RXRG: variants seen among roughly 807,000 people sequenced by gnomAD.
RXRG encodes the protein retinoid X receptor gamma.
RXRG carries 19 observed loss-of-function variants against 49.2 expected under a neutral mutation model. That is an observed-to-expected ratio of 0.39 (90% CI 0.27 to 0.57). RXRG has a LOEUF of 0.57. RXRG is among the 20% of genes least tolerant of loss of function. The pLI is 0.64. For missense variants in RXRG, 452 were observed against 592.5 expected, an observed-to-expected ratio of 0.76 and a Z score of 2.46; for synonymous variants, 224 against 216.6, an observed-to-expected ratio of 1.03 and a Z score of -0.30.
chr1:165,420,417 A>C (rs1376169058), intron 2 of RXRG, among the ~76,000 whole-genome samples: 3 of 152,214 alleles, frequency 2.0e-5, no homozygotes, highest in African/African-American at 7.2e-5. Context: ...TACGACCCTC[A>C]GGCTAAAGAC....
chr1:165,434,120 A>G (rs780372210), intron 1 of RXRG, among the ~76,000 whole-genome samples: 3 of 152,194 alleles, frequency 2.0e-5, no homozygotes, highest in Non-Finnish European at 2.9e-5. Flanking sequence ...AACTCAGAGG[A>G]CTGCTGAGAG....
chr1:165,430,981 T>C (rs1658655398), intron 1 of RXRG, among the ~76,000 whole-genome samples: 1 of 152,236 alleles, frequency 6.6e-6, no homozygotes, highest in South Asian at 2.1e-4. Context: ...CCTTTTTTTA[T>C]TTCCTAAAAC....
At chr1:165,444,003 G>A (rs959970809) in intron 1 of RXRG, among the ~76,000 whole-genome samples, 5 of 152,300 alleles carry the variant, frequency 3.3e-5, no homozygotes, top group Non-Finnish European at 5.9e-5. Context: ...AGAGCTGGGC[G>A]GCTGTACTGT....
chr1:165,402,446 G>GAGTT (rs3045153), intron 9 of RXRG, among the ~76,000 whole-genome samples: 85,758 of 151,746 alleles, frequency 0.57, 25,861 homozygotes, highest in African/African-American at 0.8. Flanking sequence ...ATTAGGAAAA[G>GAGTT]AGAAAATCAT....
intron 8 of RXRG, among the ~76,000 whole-genome samples, chr1:165,407,706 G>C (rs1035346020): frequency 6.6e-6 from 1 of 152,080 alleles, no homozygotes. Flanking sequence ...GCCACTCTTG[G>C]ATATCTACTA....
chr1:165,417,914 G>A (rs1242570472), intron 3 of RXRG, among the ~76,000 whole-genome samples: 1 of 151,938 alleles, frequency 6.6e-6, no homozygotes, highest in Non-Finnish European at 1.5e-5. Context: ...GACCAGCCTG[G>A]CCAACATGGT....
At chr1:165,439,425 G>C (rs1387341135) in intron 1 of RXRG, among the ~76,000 whole-genome samples, 1 of 152,198 alleles carries the variant, frequency 6.6e-6, no homozygotes, top group Non-Finnish European at 1.5e-5. Context: ...TTCTCTGGGG[G>C]CTACATGAAT....
In RXRG at chr1:165,408,268, G is replaced by A. The variant is rs749899559; in HGVS notation, c.1097C>T (p.Ser366Leu). 5.5e-5 allele frequency: 89 copies of A among 1,613,870 alleles called. No individual in the cohort carries two copies. The highest frequency in any genetic ancestry group is 1.6e-4 in the Middle Eastern group (1 of 6,084). Residue 366 changes from serine to leucine, a missense_variant, in exon 8 of 10, where the codon TCG (serine) becomes TTG (leucine). Physicochemically the swap from Ser to Leu is moderately radical, Grantham distance 145. Transcript: ENST00000359842. The stretch of plus-strand genomic sequence containing the variant: ...AATGGCTCGCAGGCATCCCAGTTCC[G>A]ACTTGTCCATCTGCATGTCTTTCAT... ...SKMKDMQMDK[S>L]ELGCLRAIVL...
intron 9 of RXRG, among the ~76,000 whole-genome samples, chr1:165,404,505 A>T (rs1196746759): frequency 6.6e-6 from 1 of 152,256 alleles, no homozygotes; most frequent in Non-Finnish European, 1.5e-5. Context: ...ATATGTTCAC[A>T]CTGCAAAATA....
intron 1 of RXRG, among the ~76,000 whole-genome samples, chr1:165,429,960 G>A (rs1367854362): frequency 6.6e-6 from 1 of 152,140 alleles, no homozygotes; most frequent in Non-Finnish European, 1.5e-5. Flanking sequence ...TTTAGGATCT[G>A]TAGCAGCAAA....
At chr1:165,425,986 G>T (rs564490432) in intron 2 of RXRG, among the ~76,000 whole-genome samples, 1 of 152,388 alleles carries the variant, frequency 6.6e-6, no homozygotes, top group South Asian at 2.1e-4. Flanking sequence ...ACACAGGGCT[G>T]CAAGCCAGGG....
chr1:165,429,990 A>G (rs1658620406), intron 1 of RXRG, among the ~76,000 whole-genome samples: 1 of 152,044 alleles, frequency 6.6e-6, no homozygotes, highest in Admixed American at 6.5e-5. Context: ...AGAAAACACC[A>G]CAGGGCACCC....
At chr1:165,402,799 A>T (rs1460973067) in intron 9 of RXRG, among the ~76,000 whole-genome samples, 4 of 151,924 alleles carry the variant, frequency 2.6e-5, no homozygotes, top group Non-Finnish European at 5.9e-5. Flanking sequence ...CATACTTCAC[A>T]TGTTTGCACA....
chr1:165,422,254 T>G (rs1181820114), intron 2 of RXRG, among the ~76,000 whole-genome samples: 1 of 152,224 alleles, frequency 6.6e-6, no homozygotes, highest in Non-Finnish European at 1.5e-5. Context: ...ATGTTAATCC[T>G]CTCAACAACC....
Position 165,444,807 on chromosome 1 carries a change from T to C in RXRG, c.49+38A>G, listed in dbSNP as rs749868517. 14 of 1,584,744 alleles carry C rather than the reference T, an allele frequency of 8.8e-6. No homozygotes were observed. The South Asian group carries it at 1.1e-4, about 13-fold the overall frequency. Reference sequence around the variant, plus strand: ...TTCCCAATTTCTTCTCAGTCTCTCATACAGGTCCACGCAGTGAAGCCCAAG... The same window carrying C: ...TTCCCAATTTCTTCTCAGTCTCTCACACAGGTCCACGCAGTGAAGCCCAAG... On this transcript the variant is annotated intron_variant, in intron 1 of 9. Transcript: ENST00000359842.
chr1:165,430,688 T>C (rs1041397294), intron 1 of RXRG, among the ~76,000 whole-genome samples: 12 of 152,234 alleles, frequency 7.9e-5, no homozygotes, highest in African/African-American at 2.4e-4. Context: ...CACAGGGGCA[T>C]GGCAAAGTGG....
intron 4 of RXRG, among the ~76,000 whole-genome samples, chr1:165,412,186 T>C (rs1269433175): frequency 6.6e-6 from 1 of 152,114 alleles, no homozygotes; most frequent in Non-Finnish European, 1.5e-5. Context: ...AACATCTAGT[T>C]TGTCATGCGA....
chr1:165,437,759 C>T (rs994131320), intron 1 of RXRG, among the ~76,000 whole-genome samples: 9 of 152,154 alleles, frequency 5.9e-5, no homozygotes, highest in Middle Eastern at 3.2e-3. Context: ...TACCAGTATA[C>T]GGAATTGGCT....
At chr1:165,426,315 T>C (rs1658484841) in intron 2 of RXRG, among the ~76,000 whole-genome samples, 1 of 152,214 alleles carries the variant, frequency 6.6e-6, no homozygotes, top group African/African-American at 2.4e-5. Context: ...TGAGGAATGC[T>C]TTAAAAGTCT....
Sources: gnomAD v4.1 joint callset for allele counts (sites outside exome capture counted in the v4.1 genomes callset) on GRCh38, gnomAD v4.1.1 for gene constraint, MANE v1.5 for transcripts, NCBI Gene and HGNC (gene_info 2026-07-23, HGNC 2026-07-21) for gene names.